The following CHST11 variants were observed in gnomAD, a reference collection of about 807,000 sequenced individuals.
The protein encoded by CHST11 is carbohydrate sulfotransferase 11, also known as C4S-1.
In CHST11, 9 loss-of-function variants were observed where a neutral mutation model predicts 30.4. That is an observed-to-expected ratio of 0.30 (90% confidence interval 0.18 to 0.52). The LOEUF is 0.52. CHST11 is among the 20% of genes least tolerant of loss of function. The pLI, the probability that CHST11 is intolerant of heterozygous loss-of-function variation, is 0.97. For missense variants in CHST11, 348 were observed against 460.6 expected, an observed-to-expected ratio of 0.76 and a Z score of 2.24; for synonymous variants, 152 against 187.8, an observed-to-expected ratio of 0.81 and a Z score of 1.56.
chr12:104,694,495 T>C (rs1261780523), intron 2 of CHST11, among the ~76,000 whole-genome samples: 1 of 152,122 alleles, frequency 6.6e-6, no homozygotes, highest in Non-Finnish European at 1.5e-5. Context: ...TTTGGTTTTG[T>C]TTTGTTTTTG....
intron 2 of CHST11, among the ~76,000 whole-genome samples, chr12:104,634,301 G>C (rs2039301567): frequency 1.3e-5 from 2 of 152,146 alleles, no homozygotes; most frequent in Admixed American, 1.3e-4. Flanking sequence ...GGGATTGATG[G>C]CTGCCATTTG....
chr12:104,664,154 G>A (rs960007481), intron 2 of CHST11, among the ~76,000 whole-genome samples: 4 of 152,098 alleles, frequency 2.6e-5, no homozygotes, highest in Admixed American at 1.3e-4. Flanking sequence ...TCTATAAACC[G>A]CGAAATGCTG....
At chr12:104,709,253 C>A (rs1187857863) in intron 2 of CHST11, among the ~76,000 whole-genome samples, 1 of 152,224 alleles carries the variant, frequency 6.6e-6, no homozygotes, top group Non-Finnish European at 1.5e-5. Flanking sequence ...ACAGCCTCGC[C>A]CCCACACCCA....
At chr12:104,485,621 CT>C (rs2037669767) in intron 1 of CHST11, among the ~76,000 whole-genome samples, 1 of 152,244 alleles carries the variant, frequency 6.6e-6, no homozygotes, top group South Asian at 2.1e-4. Flanking sequence ...TCGGTTTAGA[CT>C]TTCTCTGCAG....
At chr12:104,725,516 T>G (rs1017245704) in intron 2 of CHST11, among the ~76,000 whole-genome samples, 3 of 136,330 alleles carry the variant, frequency 2.2e-5, no homozygotes, top group Admixed American at 7.1e-5. Context: ...AAGCTGTTAA[T>G]TTTTTTTTTT....
intron 1 of CHST11, among the ~76,000 whole-genome samples, chr12:104,478,424 C>G (rs1359762739): frequency 2.6e-5 from 4 of 152,202 alleles, no homozygotes; most frequent in African/African-American, 4.8e-5. Context: ...CGTCCCTAAG[C>G]CTTTTTATAT....
chr12:104,530,585 A>G (rs1364472073), intron 1 of CHST11, among the ~76,000 whole-genome samples: 1 of 152,258 alleles, frequency 6.6e-6, no homozygotes, highest in Non-Finnish European at 1.5e-5. Context: ...GACATACTAC[A>G]GGAAAAGGTG....
At chr12:104,550,099 ACC>A (rs1250904294) in intron 1 of CHST11, among the ~76,000 whole-genome samples, 9 of 152,212 alleles carry the variant, frequency 5.9e-5, no homozygotes, top group African/African-American at 2.2e-4. Context: ...AACTAGAGGC[ACC>A]CCTTGTGGCT....
intron 1 of CHST11, among the ~76,000 whole-genome samples, chr12:104,495,814 G>A (rs1381102593): frequency 6.6e-6 from 1 of 152,196 alleles, no homozygotes; most frequent in African/African-American, 2.4e-5. Context: ...GAACCCAACC[G>A]TCTGGCTACT....
rs1291322539 is a variant in CHST11, at chr12:104,760,813, C to T, written c.*3010C>T. 6.6e-6 allele frequency: 1 copy of T among 152,158 alleles called. No individual in the cohort carries two copies. Among genetic ancestry groups the T allele is most frequent in the East Asian group, 1.9e-4 (1 of 5,206 alleles). 9.4% of individuals were successfully genotyped at this position (152,158 alleles called of 1,614,324 possible). A position where few individuals can be genotyped will look rare whatever the true frequency, so the allele number is the denominator to read the frequency against. ...ATTGAAACTTTAAAAAAAATGGATT[C>T]AACTGTTTTTGCAGAATGTAGAAAG... On this transcript the variant is annotated 3_prime_UTR_variant, in exon 3 of 3. Coordinates refer to ENST00000303694, the MANE Select transcript of CHST11 (RefSeq NM_018413.6).
intron 1 of CHST11, among the ~76,000 whole-genome samples, chr12:104,465,025 C>T (rs1256194000): frequency 1.3e-5 from 2 of 152,174 alleles, no homozygotes; most frequent in African/African-American, 2.4e-5. Flanking sequence ...TGCCCTTTAA[C>T]GAGCAACTGT....
At chr12:104,558,420 T>C (rs896838465) in intron 1 of CHST11, among the ~76,000 whole-genome samples, 1 of 152,110 alleles carries the variant, frequency 6.6e-6, no homozygotes, top group Non-Finnish European at 1.5e-5. Context: ...TTCATCTGAA[T>C]TGTACCAATT....
intron 1 of CHST11, among the ~76,000 whole-genome samples, chr12:104,509,804 T>C (rs952229319): frequency 1.3e-5 from 2 of 152,236 alleles, no homozygotes; most frequent in African/African-American, 4.8e-5. Context: ...ATATTGCCTG[T>C]GTTATTTAAG....
intron 2 of CHST11, among the ~76,000 whole-genome samples, chr12:104,717,283 A>C (rs1486612555): frequency 1.3e-5 from 2 of 152,166 alleles, no homozygotes; most frequent in African/African-American, 4.8e-5. Flanking sequence ...TCAGTTAGTC[A>C]GGAAGATGGG....
intron 2 of CHST11, among the ~76,000 whole-genome samples, chr12:104,675,562 C>T (rs773656233): frequency 6.6e-6 from 1 of 152,140 alleles, no homozygotes; most frequent in Non-Finnish European, 1.5e-5. Context: ...AACTAACAAC[C>T]GCTGTTATGA....
At chr12:104,509,712 T>C (rs1487710650) in intron 1 of CHST11, among the ~76,000 whole-genome samples, 1 of 152,196 alleles carries the variant, frequency 6.6e-6, no homozygotes, top group Non-Finnish European at 1.5e-5. Context: ...ACATGAGACA[T>C]TGGAATTCAT....
chr12:104,557,810 G>T (rs35340768), intron 1 of CHST11, among the ~76,000 whole-genome samples: 1 of 152,160 alleles, frequency 6.6e-6, no homozygotes. Flanking sequence ...ATGTGGGAAC[G>T]AAATTAATCC....
At chr12:104,605,817 G>A (rs1405640640) in intron 2 of CHST11, among the ~76,000 whole-genome samples, 4 of 152,192 alleles carry the variant, frequency 2.6e-5, no homozygotes, top group Non-Finnish European at 5.9e-5. Flanking sequence ...GGGCAGAGCT[G>A]CATTGTCAGC....
chr12:104,719,112 G>A (rs545071691), intron 2 of CHST11, among the ~76,000 whole-genome samples: 4 of 152,176 alleles, frequency 2.6e-5, no homozygotes, highest in Admixed American at 1.3e-4. Context: ...GGCTGCAGGC[G>A]CGGCCCCCAG....
Sources: gnomAD v4.1 joint callset for allele counts (sites outside exome capture counted in the v4.1 genomes callset) on GRCh38, gnomAD v4.1.1 for gene constraint, MANE v1.5 for transcripts, NCBI Gene and HGNC (gene_info 2026-07-23, HGNC 2026-07-21) for gene names.